The following DNAJA3 variants were observed in gnomAD, a reference collection of about 807,000 sequenced individuals.
The protein encoded by DNAJA3 is dnaJ homolog subfamily A member 3, mitochondrial.
A neutral mutation model predicts 54.9 loss-of-function variants in DNAJA3; 29 were observed. The ratio of observed to expected loss-of-function variants is 0.53; its 90% CI spans 0.39 to 0.72. The LOEUF (loss-of-function observed/expected upper bound fraction) is 0.72. Ranked by LOEUF, DNAJA3 falls within the 30% of genes least tolerant of loss-of-function variation. The pLI is 0.00. For missense variants in DNAJA3, 708 were observed against 639.4 expected, an observed-to-expected ratio of 1.11 and a Z score of -1.16; for synonymous variants, 302 against 251.4, an observed-to-expected ratio of 1.20 and a Z score of -1.90.
chr16:4,448,479 G>A (rs1276665153), intron 8 of DNAJA3, among the ~76,000 whole-genome samples: 2 of 151,872 alleles, frequency 1.3e-5, no homozygotes, highest in African/African-American at 4.8e-5. Flanking sequence ...GAGTAGCTGA[G>A]ATTACAGGTG....
rs370464119 is a variant in DNAJA3 at position 4,447,050 on chromosome 16, A to G, written c.1125+36A>G. On this transcript the variant is annotated intron_variant, in intron 8 of 11. Transcript: ENST00000262375. ...GTGAGAACACCTTTGTCACCCCTGT[A>G]CTTTATTGCTCTTTTTCTGAAATGG... 184 of 1,596,922 alleles carry G rather than the reference A, an allele frequency of 1.2e-4. No homozygotes were observed. In the African/African-American group the frequency reaches 2.3e-3, roughly 20 times the overall value.
chr16:4,434,272 C>A (rs1004979197), intron 1 of DNAJA3, 112 bp from the exon 2 acceptor site: 3 of 1,262,592 alleles, frequency 2.4e-6, no homozygotes, highest in Non-Finnish European at 3.3e-6. Flanking sequence ...CACAGCCAAA[C>A]CTTATCAGTT....
intron 1 of DNAJA3, among the ~76,000 whole-genome samples, chr16:4,429,790 C>T (rs912005051): frequency 2.0e-5 from 3 of 151,798 alleles, no homozygotes; most frequent in Admixed American, 6.6e-5. Context: ...GCCGAGTTAG[C>T]GCCATTGCAC....
chr16:4,435,360 T>G (rs1258916313), intron 2 of DNAJA3, among the ~76,000 whole-genome samples: 1 of 152,154 alleles, frequency 6.6e-6, no homozygotes, highest in Non-Finnish European at 1.5e-5. Context: ...GGAGGCACCA[T>G]TGTAGGATTG....
At chr16:4,441,328 G>C (rs2056833216) in intron 3 of DNAJA3, 47 bp from the exon 4 acceptor site, 1 of 1,549,226 alleles carries the variant, frequency 6.5e-7, no homozygotes, top group Admixed American at 1.9e-5. Flanking sequence ...TGTATTCCTG[G>C]GCCTTGGTAG....
At chr16:4,427,624 C>T (rs28513833) in intron 1 of DNAJA3, among the ~76,000 whole-genome samples, 5,177 of 152,200 alleles carry the variant, frequency 0.034, 302 homozygotes, top group African/African-American at 0.12. Flanking sequence ...GAGGAGATGG[C>T]AGAGAACAAA....
chr16:4,441,277 A>AAT, intron 3 of DNAJA3, 98 bp from the exon 4 acceptor site: 1 of 1,172,360 alleles, frequency 8.5e-7, no homozygotes, highest in African/African-American at 1.5e-5. Flanking sequence ...AGGGCCACTT[A>AAT]ATAAATGTTA....
chr16:4,427,640 T>G (rs1343296038), intron 1 of DNAJA3, among the ~76,000 whole-genome samples: 1 of 152,148 alleles, frequency 6.6e-6, no homozygotes, highest in Non-Finnish European at 1.5e-5. Context: ...ACAAAGAGAT[T>G]GGATGTGTGT....
Position 4,434,427 on chromosome 16 carries a change from G to A in DNAJA3, c.255G>A (p.Thr85=), listed in dbSNP as rs1389658994. Residue 85 remains threonine (T), a synonymous_variant, in exon 2 of 12, where the codon ACG becomes ACA. Transcript: ENST00000262375. The stretch of plus-strand genomic sequence containing the variant: ...TCATTTGTACTGCCTCCTTCCACAC[G>A]AGTGCCCCTTTGGCCAAAGAAGATT... ...NPFICTASFH[T]SAPLAKEDYY... is the part of the protein sequence containing the mutation. The A allele has an allele frequency of 1.9e-6, 3 of 1,613,736 alleles. No individual in the cohort carries two copies. The highest frequency in any genetic ancestry group is 2.2e-5 in the East Asian group (1 of 44,872).
intron 5 of DNAJA3, chr16:4,442,798 G>A (rs192347869): frequency 4.6e-4 from 272 of 594,346 alleles, no homozygotes; most frequent in Non-Finnish European, 6.9e-4. Context: ...AGTGTCGTGT[G>A]GTCAAGTTGA....
At chr16:4,442,642 G>A (rs1211477307) in intron 5 of DNAJA3, 4 of 539,158 alleles carry the variant, frequency 7.4e-6, no homozygotes, top group African/African-American at 5.8e-5. Context: ...GGGGCGGGGC[G>A]GGGGATTGCA....
intron 7 of DNAJA3, among the ~76,000 whole-genome samples, chr16:4,446,345 G>A (rs996937537): frequency 6.7e-6 from 1 of 150,054 alleles, no homozygotes. Context: ...CCAGGTTCAA[G>A]TGGATCTTCT....
chr16:4,434,520 C>G lies in DNAJA3; in HGVS notation c.345+3C>G. ...AGATCAAGAAAGCCTATTATCAGGT[C>G]TGTATGGAAGTCAGGTTTTGGTGAC... is the stretch of plus-strand genomic sequence containing the variant. On this transcript the variant is annotated splice_donor_region_variant and intron_variant, in intron 2 of 11. Transcript: ENST00000262375. The G allele has an allele frequency of 1.2e-6, 2 of 1,609,456 alleles. No individual in the cohort carries two copies. The highest frequency in any genetic ancestry group is 1.3e-5 in the African/African-American group (1 of 74,580).
In DNAJA3 at chr16:4,439,549, G is replaced by T. The variant is rs528235395; in HGVS notation, c.430-1826G>T. Among the ~76,000 whole-genome samples, 11 of 152,196 alleles carry T rather than the reference G, an allele frequency of 7.2e-5. No individual in the cohort carries two copies. In the East Asian group the frequency reaches 2.1e-3, roughly 29 times the overall value. ...ATTCAATTTTTAATGGGGCGGGGGG[G>T]TGTTATTCTTGTGAATGTGTTTTTC... is the stretch of plus-strand genomic sequence containing the variant. On this transcript the variant is annotated intron_variant, in intron 3 of 11. Coordinates refer to ENST00000262375, the MANE Select transcript of DNAJA3 (RefSeq NM_005147.6).
intron 8 of DNAJA3, chr16:4,448,023 CTTTTTTTTTTTT>C (rs71402537): frequency 8.3e-5 from 6 of 72,682 alleles, no homozygotes; most frequent in African/African-American, 2.2e-4. Context: ...AGTGGCAGTT[CTTTTTTTTTTTT>C]TTTTTTTTTT....
intron 3 of DNAJA3, 189 bp downstream of exon 3, chr16:4,437,674 G>A: frequency 1.8e-6 from 1 of 548,894 alleles, no homozygotes; most frequent in African/African-American, 1.9e-5. Flanking sequence ...GCTCACTCCT[G>A]TAGTCCTAGC....
intron 3 of DNAJA3, chr16:4,440,784 A>C (rs1328205559): frequency 2.0e-5 from 3 of 152,930 alleles, no homozygotes; most frequent in African/African-American, 7.2e-5. Context: ...CAGCCTGGGC[A>C]ACATAGCAAG....
intron 1 of DNAJA3, chr16:4,430,828 G>T (rs1355973479): frequency 1.3e-5 from 2 of 152,122 alleles, no homozygotes; most frequent in African/African-American, 4.8e-5. Flanking sequence ...CGGATCACTT[G>T]AGGTCAGGAG....
At chr16:4,448,289 T>C (rs2056929700) in intron 8 of DNAJA3, among the ~76,000 whole-genome samples, 2 of 150,916 alleles carry the variant, frequency 1.3e-5, no homozygotes, top group South Asian at 4.2e-4. Flanking sequence ...CCCCCCAAAG[T>C]GCTGGGATTA....
Sources: gnomAD v4.1 joint callset for allele counts (sites outside exome capture counted in the v4.1 genomes callset) on GRCh38, gnomAD v4.1.1 for gene constraint, MANE v1.5 for transcripts, NCBI Gene and HGNC (gene_info 2026-07-23, HGNC 2026-07-21) for gene names.